Variants in SPATA17 observed in about 807,000 individuals in gnomAD.
SPATA17 encodes spermatogenesis-associated protein 17.
A neutral mutation model predicts 62.2 loss-of-function variants in SPATA17; 53 were observed. The observed-to-expected ratio is 0.85, with a 90% CI of 0.68 to 1.07. The LOEUF (loss-of-function observed/expected upper bound fraction) is 1.07. Ranked by LOEUF, SPATA17 falls within the 50% of genes least tolerant of loss-of-function variation. The pLI is 0.00. For missense variants in SPATA17, 466 were observed against 425.5 expected (o/e 1.10, Z -0.84); for synonymous variants, 146 against 146.8 (o/e 0.99, Z 0.04).
Position 217,824,733 on chromosome 1 carries a change from T to C in SPATA17, c.1005+22883T>C, listed in dbSNP as rs552090970. 2.0e-5 allele frequency among the ~76,000 whole-genome samples: 3 copies of C among 151,080 alleles called. No homozygotes were observed. In the South Asian group the frequency reaches 6.3e-4, roughly 32 times the overall value. ...TCTTGGAAAACAAAGCTTAATTCAT[T>C]AAAATTAAGGAAATGTTAGTTCAGT... On this transcript the variant is annotated intron_variant, in intron 9 of 10. Transcript: ENST00000366933.
At position 217,868,664 on chromosome 1, in the gene SPATA17, G is replaced by GTTTTTTTTT. The variant is rs34123629; in HGVS notation, c.*1663_*1671dup. ...TAAACCAGAAAGTATCTGAGACAAT[G>GTTTTTTTTT]TTTTTTTTTTTTTTTTTTTTTTTTT... On this transcript the variant is annotated 3_prime_UTR_variant, in exon 11 of 11. Transcript: ENST00000366933. 1 of 88,238 alleles carries GTTTTTTTTT rather than the reference G, an allele frequency of 1.1e-5. No individual in the cohort carries two copies. The highest frequency in any genetic ancestry group is 2.1e-5 in the Non-Finnish European group (1 of 48,312). The allele number at this position is 88,238 out of a possible 1,614,324, so 5.5% of individuals were successfully genotyped here.
intron 3 of SPATA17, among the ~76,000 whole-genome samples, 161 bp downstream of exon 3, chr1:217,651,339 G>A (rs1670309081): frequency 1.3e-5 from 2 of 152,168 alleles, no homozygotes; most frequent in South Asian, 4.1e-4. Flanking sequence ...ATTCTTGAAA[G>A]CATTTTCTGA....
intron 1 of SPATA17, 86 bp downstream of exon 1, chr1:217,631,532 T>A: frequency 7.3e-7 from 1 of 1,379,218 alleles, no homozygotes; most frequent in Non-Finnish European, 1.0e-6. Context: ...ATTAACGATT[T>A]AACGATTACC....
At chr1:217,688,209 C>G (rs1292742650) in intron 5 of SPATA17, among the ~76,000 whole-genome samples, 1 of 152,078 alleles carries the variant, frequency 6.6e-6, no homozygotes, top group Non-Finnish European at 1.5e-5. Context: ...TGCATTCCAG[C>G]TGGGGCAACA....
intron 5 of SPATA17, among the ~76,000 whole-genome samples, chr1:217,707,253 T>C (rs1016098291): frequency 6.6e-6 from 1 of 152,160 alleles, no homozygotes; most frequent in African/African-American, 2.4e-5. Context: ...ATAGCAATGC[T>C]ACTGGTTTTT....
intron 5 of SPATA17, among the ~76,000 whole-genome samples, chr1:217,720,763 G>A (rs959227406): frequency 1.3e-5 from 2 of 152,034 alleles, no homozygotes; most frequent in Non-Finnish European, 2.9e-5. Flanking sequence ...GTAAATACTG[G>A]GAGAAGTCAG....
At chr1:217,710,074 A>G (rs1415735591) in intron 5 of SPATA17, among the ~76,000 whole-genome samples, 2 of 152,162 alleles carry the variant, frequency 1.3e-5, no homozygotes, top group African/African-American at 4.8e-5. Flanking sequence ...CATTGGCCTT[A>G]ACTTTAATTT....
intron 1 of SPATA17, among the ~76,000 whole-genome samples, chr1:217,642,427 C>T (rs1670085487): frequency 6.6e-6 from 1 of 152,138 alleles, no homozygotes; most frequent in South Asian, 2.1e-4. Context: ...TAGTGAGAGC[C>T]ACTTCAGTCT....
chr1:217,709,695 T>C (rs1243906655), intron 5 of SPATA17, among the ~76,000 whole-genome samples: 1 of 152,224 alleles, frequency 6.6e-6, no homozygotes, highest in Non-Finnish European at 1.5e-5. Context: ...GTGGGGATCA[T>C]TGGAGACCAT....
chr1:217,719,814 C>T (rs901772436), intron 5 of SPATA17, among the ~76,000 whole-genome samples: 1 of 152,176 alleles, frequency 6.6e-6, no homozygotes, highest in African/African-American at 2.4e-5. Context: ...ATAAACAATG[C>T]AATTCAGACT....
intron 8 of SPATA17, among the ~76,000 whole-genome samples, chr1:217,791,082 C>A (rs1673986643): frequency 6.6e-6 from 1 of 152,132 alleles, no homozygotes; most frequent in Non-Finnish European, 1.5e-5. Flanking sequence ...GTAACTCTTC[C>A]ATTTATTTTA....
At chr1:217,749,711 A>G (rs557874344) in intron 6 of SPATA17, among the ~76,000 whole-genome samples, 204 of 151,854 alleles carry the variant, frequency 1.3e-3, no homozygotes, top group Admixed American at 2.6e-3. Flanking sequence ...ATTTACCACC[A>G]TCAGATAAAT....
intron 5 of SPATA17, among the ~76,000 whole-genome samples, chr1:217,720,837 A>G (rs902746335): frequency 1.8e-4 from 27 of 152,178 alleles, no homozygotes; most frequent in African/African-American, 6.3e-4. Flanking sequence ...CTCCCCACAC[A>G]TTAATGATGA....
chr1:217,752,905 T>C (rs915688796), intron 6 of SPATA17, among the ~76,000 whole-genome samples: 22 of 152,172 alleles, frequency 1.4e-4, no homozygotes, highest in African/African-American at 4.8e-4. Flanking sequence ...GAGGTATTTC[T>C]GTTTTGGGAT....
At chr1:217,716,487 A>G (rs777383526) in intron 5 of SPATA17, among the ~76,000 whole-genome samples, 1 of 152,246 alleles carries the variant, frequency 6.6e-6, no homozygotes, top group Non-Finnish European at 1.5e-5. Flanking sequence ...AATGCAAATG[A>G]TAATAATCTG....
chr1:217,637,737 CT>C (rs1035193364), intron 1 of SPATA17, among the ~76,000 whole-genome samples: 2 of 152,248 alleles, frequency 1.3e-5, no homozygotes, highest in East Asian at 1.9e-4. Flanking sequence ...GTCCCTTCCC[CT>C]GATTCTAATT....
chr1:217,703,166 C>T (rs540676321), intron 5 of SPATA17, among the ~76,000 whole-genome samples: 4 of 94,174 alleles, frequency 4.2e-5, no homozygotes, highest in South Asian at 3.1e-4. Context: ...TGAGCCATTG[C>T]GCTCGGCCTT....
At chr1:217,866,828 T>C (rs1188045626) in intron 10 of SPATA17, 194 bp from the exon 11 acceptor site, 1 of 151,654 alleles carries the variant, frequency 6.6e-6, no homozygotes, top group Non-Finnish European at 1.5e-5. Context: ...AGAACTCATG[T>C]TTCTGAAGTT....
chr1:217,737,053 T>C (rs1224467728), intron 5 of SPATA17, among the ~76,000 whole-genome samples: 1 of 152,186 alleles, frequency 6.6e-6, no homozygotes, highest in African/African-American at 2.4e-5. Flanking sequence ...TATTGATAGC[T>C]AAATACAATA....
Sources: gnomAD v4.1 joint callset for allele counts (sites outside exome capture counted in the v4.1 genomes callset) on GRCh38, gnomAD v4.1.1 for gene constraint, MANE v1.5 for transcripts, NCBI Gene and HGNC (gene_info 2026-07-23, HGNC 2026-07-21) for gene names.